Variants in C8orf34 observed in about 807,000 individuals in gnomAD.
The protein encoded by C8orf34 is uncharacterized protein C8orf34.
Under a neutral mutation model 68.3 loss-of-function variants are expected in C8orf34, and 65 were observed. The observed-to-expected ratio is 0.95, with a 90% CI of 0.78 to 1.17. The LOEUF (loss-of-function observed/expected upper bound fraction) is 1.17, where lower values mean the gene tolerates loss of function less well. Among genes scored for constraint, C8orf34 ranks in the 50% most tolerant of loss-of-function variants. The pLI is 0.00. For missense variants in C8orf34, 664 were observed against 655.4 expected (o/e 1.01, Z -0.14); for synonymous variants, 244 against 241.2 (o/e 1.01, Z -0.11).
chr8:68,502,643 A>G (rs543403392), intron 5 of C8orf34, among the ~76,000 whole-genome samples: 8 of 152,312 alleles, frequency 5.3e-5, no homozygotes, highest in African/African-American at 1.9e-4. Context: ...TGCTTTTCCT[A>G]TACAAATTAC....
chr8:68,666,182 T>C (rs1042273358), intron 8 of C8orf34, among the ~76,000 whole-genome samples: 1 of 152,108 alleles, frequency 6.6e-6, no homozygotes, highest in African/African-American at 2.4e-5. Flanking sequence ...AACCAGGAAG[T>C]CTTGCTCCAG....
At chr8:68,631,941 CAGTG>C (rs1453747515) in intron 7 of C8orf34, among the ~76,000 whole-genome samples, 1 of 152,032 alleles carries the variant, frequency 6.6e-6, no homozygotes, top group Non-Finnish European at 1.5e-5. Flanking sequence ...GTTTTTTATA[CAGTG>C]TGAAAAAGGG....
intron 7 of C8orf34, chr8:68,534,241 G>T: frequency 1.0e-6 from 1 of 985,300 alleles, no homozygotes; most frequent in Non-Finnish European, 1.2e-6. Flanking sequence ...TAAGGAGATT[G>T]TATCATGGCG....
At chr8:68,342,306 G>A (rs1474714204) in intron 1 of C8orf34, among the ~76,000 whole-genome samples, 1 of 152,122 alleles carries the variant, frequency 6.6e-6, no homozygotes, top group Non-Finnish European at 1.5e-5. Context: ...GACACCATAA[G>A]CACAGTCTAT....
intron 5 of C8orf34, among the ~76,000 whole-genome samples, chr8:68,505,112 G>T (rs994448327): frequency 3.3e-5 from 5 of 152,080 alleles, no homozygotes; most frequent in Non-Finnish European, 5.9e-5. Context: ...GCCCCAAATT[G>T]ATTTTCACAG....
At chr8:68,465,077 C>G (rs1343537421) in intron 3 of C8orf34, among the ~76,000 whole-genome samples, 1 of 151,350 alleles carries the variant, frequency 6.6e-6, no homozygotes, top group Non-Finnish European at 1.5e-5. Flanking sequence ...TATCCAGAAT[C>G]TACAATGAAC....
intron 5 of C8orf34, among the ~76,000 whole-genome samples, chr8:68,493,184 A>G (rs2129631993): frequency 6.6e-6 from 1 of 152,336 alleles, no homozygotes; most frequent in South Asian, 2.1e-4. Context: ...TCAAAATATC[A>G]TTACACTTCC....
intron 12 of C8orf34, 161 bp downstream of exon 12, chr8:68,787,697 G>A (rs929900088): frequency 1.7e-5 from 8 of 480,074 alleles, no homozygotes; most frequent in African/African-American, 1.4e-4. Context: ...TCAGGTCTAT[G>A]TCTTCATTCA....
At chr8:68,718,497 C>A (rs1045379458) in intron 9 of C8orf34, among the ~76,000 whole-genome samples, 2 of 152,076 alleles carry the variant, frequency 1.3e-5, no homozygotes, top group Admixed American at 6.6e-5. Context: ...TATTAGTATA[C>A]CTAATCTGCA....
At chr8:68,395,273 A>C (rs1808647487) in intron 1 of C8orf34, among the ~76,000 whole-genome samples, 1 of 151,780 alleles carries the variant, frequency 6.6e-6, no homozygotes. Flanking sequence ...ACTATTGGGG[A>C]AAGGTCACAA....
chr8:68,522,045 T>C, intron 6 of C8orf34, 74 bp downstream of exon 6: 1 of 1,353,554 alleles, frequency 7.4e-7, no homozygotes. Context: ...CCCAAGTTCA[T>C]GGTTTTTATG....
At chr8:68,606,584 T>G (rs982522898) in intron 7 of C8orf34, among the ~76,000 whole-genome samples, 1 of 152,126 alleles carries the variant, frequency 6.6e-6, no homozygotes, top group Non-Finnish European at 1.5e-5. Context: ...TTGTTGGTAT[T>G]AGGTTTGGAT....
At chr8:68,370,566 G>A (rs775827435) in intron 1 of C8orf34, among the ~76,000 whole-genome samples, 1 of 152,082 alleles carries the variant, frequency 6.6e-6, no homozygotes, top group Non-Finnish European at 1.5e-5. Flanking sequence ...TCTAGAGTGC[G>A]GAGTGGGTGA....
intron 7 of C8orf34, among the ~76,000 whole-genome samples, chr8:68,627,756 A>G (rs868650958): frequency 4.6e-5 from 7 of 152,330 alleles, no homozygotes; most frequent in Admixed American, 2.0e-4. Context: ...TTAAATAATG[A>G]GGGGTTCAAT....
intron 11 of C8orf34, 145 bp downstream of exon 11, chr8:68,776,594 A>G (rs756358772): frequency 1.5e-5 from 9 of 590,098 alleles, no homozygotes; most frequent in Non-Finnish European, 2.6e-5. Context: ...AGGATAATAA[A>G]TAATAGGTTA....
intron 1 of C8orf34, among the ~76,000 whole-genome samples, chr8:68,381,473 C>A (rs1008562186): frequency 1.3e-5 from 2 of 152,066 alleles, no homozygotes; most frequent in African/African-American, 4.8e-5. Flanking sequence ...TGGCTCACGC[C>A]TGTAATCCCA....
chr8:68,496,117 T>G (rs1480895464), intron 5 of C8orf34, among the ~76,000 whole-genome samples: 2 of 152,188 alleles, frequency 1.3e-5, no homozygotes, highest in African/African-American at 4.8e-5. Flanking sequence ...AAAGAAGACT[T>G]TTTCCTCTTA....
chr8:68,429,262 A>C (rs982640191), intron 1 of C8orf34, among the ~76,000 whole-genome samples: 1 of 152,190 alleles, frequency 6.6e-6, no homozygotes, highest in Non-Finnish European at 1.5e-5. Context: ...GGTGCTTTCA[A>C]AAAAGAGGGT....
chr8:68,636,436 T>G (rs1270965245), intron 7 of C8orf34, among the ~76,000 whole-genome samples: 1 of 151,346 alleles, frequency 6.6e-6, no homozygotes, highest in Non-Finnish European at 1.5e-5. Context: ...ATACAAAAAA[T>G]TAGCCAGGTG....
Sources: gnomAD v4.1 joint callset for allele counts (sites outside exome capture counted in the v4.1 genomes callset) on GRCh38, gnomAD v4.1.1 for gene constraint, MANE v1.5 for transcripts, NCBI Gene and HGNC (gene_info 2026-07-23, HGNC 2026-07-21) for gene names.